The following UBOX5 variants were observed in gnomAD, a reference collection of about 807,000 sequenced individuals.
The protein encoded by UBOX5 is RING finger protein 37.
Under a neutral mutation model 39.0 loss-of-function variants are expected in UBOX5, and 28 were observed. The observed-to-expected ratio is 0.72, with a 90% CI of 0.53 to 0.98. The LOEUF is 0.98. UBOX5 is among the 50% of genes least tolerant of loss of function. The probability of loss-of-function intolerance (pLI) is 0.00; values close to 1 mark genes in which losing one functional copy is unlikely to be tolerated. For missense variants in UBOX5, 585 were observed against 674.4 expected, an observed-to-expected ratio of 0.87 and a Z score of 1.47; for synonymous variants, 283 against 275.5, an observed-to-expected ratio of 1.03 and a Z score of -0.27.
At chr20:3,148,555 A>G in intron 1 of UBOX5, 4 of 1,614,174 alleles carry the variant, frequency 2.5e-6, no homozygotes, top group Non-Finnish European at 3.4e-6. Context: ...CTGCAGGCAA[A>G]GAGCTCAGCT....
intron 1 of UBOX5, among the ~76,000 whole-genome samples, chr20:3,125,538 C>T (rs1159350892): frequency 7.6e-6 from 1 of 131,746 alleles, no homozygotes; most frequent in Non-Finnish European, 1.6e-5. Flanking sequence ...CACCCATCGT[C>T]TGGGAGGTGA....
At chr20:3,158,017 C>T (rs565349128) in intron 1 of UBOX5, among the ~76,000 whole-genome samples, 38 of 152,240 alleles carry the variant, frequency 2.5e-4, no homozygotes, top group Admixed American at 2.4e-3. Context: ...GGCAACCTCC[C>T]GGGCGAGGAT....
intron 1 of UBOX5, chr20:3,147,940 A>G: frequency 6.2e-7 from 1 of 1,614,246 alleles, no homozygotes; most frequent in Non-Finnish European, 8.5e-7. Flanking sequence ...CTATCTCTCC[A>G]ATCTGCTTCA....
intron 4 of UBOX5, among the ~76,000 whole-genome samples, chr20:3,114,574 A>T (rs918678177): frequency 1.3e-5 from 2 of 152,140 alleles, no homozygotes; most frequent in Admixed American, 1.3e-4. Context: ...AGGGATGAGG[A>T]CGACAAACCC....
chr20:3,148,618 G>C (rs1427691944), intron 1 of UBOX5: 1 of 1,614,032 alleles, frequency 6.2e-7, no homozygotes, highest in Non-Finnish European at 8.5e-7. Flanking sequence ...GATTAACTCT[G>C]ACTTTGTGCA....
intron 1 of UBOX5, among the ~76,000 whole-genome samples, chr20:3,137,040 C>A (rs1040541760): frequency 3.8e-4 from 57 of 151,904 alleles, no homozygotes; most frequent in African/African-American, 1.3e-3. Flanking sequence ...CTTCACCTCC[C>A]GGGTTCAAGC....
At chr20:3,128,591 G>A (rs1461709196) in intron 1 of UBOX5, among the ~76,000 whole-genome samples, 1 of 152,198 alleles carries the variant, frequency 6.6e-6, no homozygotes, top group Non-Finnish European at 1.5e-5. Flanking sequence ...GCCGGGCGGA[G>A]TGGCTCACAC....
rs564471822 is a variant in UBOX5 at position 3,146,601 on chromosome 20, A to G, written c.-42+13165T>C. On this transcript the variant is annotated intron_variant, in intron 1 of 4. Transcript: ENST00000217173. ...CATTTGCAGTAATTTGTACAATCCA[A>G]CTACATTACAATTCACAGTAACATA... 5.6e-4 allele frequency: 382 copies of G among 680,242 alleles called. 1 individual carries two copies. Among genetic ancestry groups the G allele is most frequent in the South Asian group, 4.1e-3 (206 of 50,704 alleles). 42.1% of individuals were successfully genotyped at this position (680,242 alleles called of 1,614,324 possible).
intron 1 of UBOX5, among the ~76,000 whole-genome samples, chr20:3,139,094 T>A (rs2066495373): frequency 6.6e-6 from 1 of 152,246 alleles, no homozygotes; most frequent in African/African-American, 2.4e-5. Flanking sequence ...GCACTTCAGC[T>A]TTTAAAGAAG....
At chr20:3,142,163 G>GA (rs74932169) in intron 1 of UBOX5, among the ~76,000 whole-genome samples, 1,952 of 79,938 alleles carry the variant, frequency 0.024, 16 homozygotes, top group South Asian at 0.071. Context: ...GTCTCAAAAA[G>GA]AAAAAAAAAA....
chr20:3,143,685 C>G (rs1354597712), intron 1 of UBOX5, among the ~76,000 whole-genome samples: 2 of 152,148 alleles, frequency 1.3e-5, no homozygotes, highest in East Asian at 3.9e-4. Flanking sequence ...ATCCCAGCTA[C>G]TCGGGAGGCT....
At chr20:3,119,870 CATCT>C (rs1466808046) in intron 3 of UBOX5, among the ~76,000 whole-genome samples, 1 of 151,756 alleles carries the variant, frequency 6.6e-6, no homozygotes, top group African/African-American at 2.4e-5. Flanking sequence ...AACAAAAAAA[CATCT>C]ATCTCAGCCT....
At chr20:3,124,728 CGG>C (rs2066365304) in intron 1 of UBOX5, among the ~76,000 whole-genome samples, 1 of 145,838 alleles carries the variant, frequency 6.9e-6, no homozygotes, top group Admixed American at 6.8e-5. Context: ...CGTCTCTGCC[CGG>C]CCGCCCTGTC....
chr20:3,126,156 T>G (rs1403887519), intron 1 of UBOX5, among the ~76,000 whole-genome samples: 5 of 152,236 alleles, frequency 3.3e-5, no homozygotes, highest in African/African-American at 4.8e-5. Flanking sequence ...CATTTTGTTC[T>G]GTACTAAGAA....
intron 1 of UBOX5, among the ~76,000 whole-genome samples, chr20:3,123,869 A>G (rs2066357115): frequency 6.6e-6 from 1 of 152,240 alleles, no homozygotes; most frequent in South Asian, 2.1e-4. Context: ...ACAATGAGTC[A>G]AAAACATCAT....
At chr20:3,130,246 T>C (rs1301655263) in intron 1 of UBOX5, among the ~76,000 whole-genome samples, 1 of 148,760 alleles carries the variant, frequency 6.7e-6, no homozygotes, top group Non-Finnish European at 1.5e-5. Context: ...AATAAATAAA[T>C]AAATAAATAA....
At chr20:3,148,135 CA>C in intron 1 of UBOX5, 1 of 1,613,874 alleles carries the variant, frequency 6.2e-7, no homozygotes, top group Non-Finnish European at 8.5e-7. Context: ...CCAAATTGAT[CA>C]AATCTATATA....
At chr20:3,125,446 C>T (rs1252936657) in intron 1 of UBOX5, among the ~76,000 whole-genome samples, 1 of 146,796 alleles carries the variant, frequency 6.8e-6, no homozygotes, top group Non-Finnish European at 1.5e-5. Context: ...AGCGCCTCTG[C>T]CCGGCCGCCC....
At chr20:3,110,385 C>T in intron 4 of UBOX5, 71 bp from the exon 5 acceptor site, 1 of 1,544,536 alleles carries the variant, frequency 6.5e-7, no homozygotes, top group Non-Finnish European at 8.9e-7. Flanking sequence ...CTCTGAGGGG[C>T]AGAGCCTTCC....
Sources: allele counts gnomAD v4.1 joint callset (sites outside exome capture counted in the v4.1 genomes callset), GRCh38; gene constraint gnomAD v4.1.1; transcripts MANE v1.5; gene names NCBI Gene and HGNC (gene_info 2026-07-23, HGNC 2026-07-21).